The following SLC9B1 variants were observed in gnomAD, a reference collection of about 807,000 sequenced individuals.
SLC9B1 encodes sodium/hydrogen exchanger 9B1.
A neutral mutation model predicts 51.7 loss-of-function variants in SLC9B1; 32 were observed. The observed-to-expected ratio is 0.62, with a 90% CI of 0.47 to 0.83. SLC9B1 has a LOEUF of 0.83. Ranked by LOEUF, SLC9B1 falls within the 40% of genes least tolerant of loss-of-function variation. The probability of loss-of-function intolerance (pLI) is 0.00; values close to 1 mark genes in which losing one functional copy is unlikely to be tolerated. For missense variants in SLC9B1, 406 were observed against 613.2 expected, an observed-to-expected ratio of 0.66 and a Z score of 3.57; for synonymous variants, 145 against 212.7, an observed-to-expected ratio of 0.68 and a Z score of 2.77.
At chr4:102,950,439 G>A (rs1216108624) in intron 3 of SLC9B1, among the ~76,000 whole-genome samples, 1 of 152,176 alleles carries the variant, frequency 6.6e-6, no homozygotes, top group Non-Finnish European at 1.5e-5. Flanking sequence ...CAATAACATG[G>A]TAAATTTCCA....
chr4:102,929,715 C>A (rs1021664609), intron 7 of SLC9B1, among the ~76,000 whole-genome samples: 15 of 152,080 alleles, frequency 9.9e-5, no homozygotes, highest in African/African-American at 3.6e-4. Context: ...AGAGATGGAG[C>A]TTTGCTATGT....
intron 1 of SLC9B1, chr4:103,014,734 C>G (rs576178068): frequency 6.6e-6 from 1 of 152,318 alleles, no homozygotes; most frequent in South Asian, 2.1e-4. Flanking sequence ...CCAGCCAATA[C>G]TTTCTACCCA....
chr4:102,984,398 G>A (rs1023550339), intron 3 of SLC9B1, among the ~76,000 whole-genome samples: 1 of 152,194 alleles, frequency 6.6e-6, no homozygotes, highest in African/African-American at 2.4e-5. Flanking sequence ...TTACAGGTGT[G>A]AGCCAACATG....
chr4:102,907,249 A>G (rs17009213), intron 9 of SLC9B1, among the ~76,000 whole-genome samples: 4,219 of 152,252 alleles, frequency 0.028, 186 homozygotes, highest in African/African-American at 0.092. Flanking sequence ...TTTTGTCTGT[A>G]AAGTAACTGA....
At chr4:102,943,768 T>C (rs1297192696) in intron 6 of SLC9B1, among the ~76,000 whole-genome samples, 1 of 152,056 alleles carries the variant, frequency 6.6e-6, no homozygotes, top group Non-Finnish European at 1.5e-5. Context: ...GGGTGAGCGA[T>C]AAAAGACTAC....
chr4:102,918,936 T>C (rs13113923), intron 7 of SLC9B1, among the ~76,000 whole-genome samples: 87,519 of 152,102 alleles, frequency 0.58, 26,446 homozygotes, highest in African/African-American at 0.78. Flanking sequence ...CCCGACACTA[T>C]GTGGCAGCTG....
chr4:102,906,027 C>T (rs548008987), intron 10 of SLC9B1, among the ~76,000 whole-genome samples: 2 of 152,182 alleles, frequency 1.3e-5, no homozygotes, highest in African/African-American at 4.8e-5. Flanking sequence ...CTTCCGACTC[C>T]CGGGTTCACG....
intron 3 of SLC9B1, among the ~76,000 whole-genome samples, chr4:102,983,517 C>T (rs1179885212): frequency 6.6e-6 from 1 of 152,080 alleles, no homozygotes; most frequent in Non-Finnish European, 1.5e-5. Context: ...CACCTGGGCC[C>T]AGTACATTCT....
At chr4:102,918,091 C>CA (rs1735675308) in intron 7 of SLC9B1, among the ~76,000 whole-genome samples, 3 of 94,196 alleles carry the variant, frequency 3.2e-5, no homozygotes, top group Non-Finnish European at 4.1e-5. Context: ...AAAAAAAAGG[C>CA]TAGAGAAAAA....
chr4:102,900,713 C>A (rs114721290), downstream of SLC9B1, among the ~76,000 whole-genome samples: 2,585 of 152,148 alleles, frequency 0.017, 71 homozygotes, highest in African/African-American at 0.056. Flanking sequence ...AATTACTGGA[C>A]ATCATGGGAG....
intron 3 of SLC9B1, among the ~76,000 whole-genome samples, chr4:102,987,967 T>C (rs1739735828): frequency 6.6e-6 from 1 of 152,130 alleles, no homozygotes; most frequent in Non-Finnish European, 1.5e-5. Context: ...TAGGACAGAG[T>C]GATGACTTCT....
At chr4:102,951,234 C>T (rs1737537905) in intron 3 of SLC9B1, among the ~76,000 whole-genome samples, 1 of 152,004 alleles carries the variant, frequency 6.6e-6, no homozygotes, top group Admixed American at 6.6e-5. Flanking sequence ...ATAAAAGTGT[C>T]CCTGCATAGA....
intron 3 of SLC9B1, among the ~76,000 whole-genome samples, chr4:102,983,973 T>A (rs1739489261): frequency 6.6e-6 from 1 of 152,102 alleles, no homozygotes; most frequent in African/African-American, 2.4e-5. Flanking sequence ...GAAGCTTAAT[T>A]TATTCATTTT....
chr4:102,974,239 ATT>A (rs1560962113), intron 3 of SLC9B1, among the ~76,000 whole-genome samples: 3 of 120,960 alleles, frequency 2.5e-5, no homozygotes, highest in Admixed American at 8.6e-5. Context: ...TCTGTCTAAA[ATT>A]GAAAAAAAAA....
At chr4:102,958,257 C>A (rs1273599064) in intron 3 of SLC9B1, among the ~76,000 whole-genome samples, 1 of 151,978 alleles carries the variant, frequency 6.6e-6, no homozygotes, top group Non-Finnish European at 1.5e-5. Context: ...GAGATCTCGT[C>A]ATTTAAAAGT....
At chr4:102,915,680 G>A (rs867875634) in intron 7 of SLC9B1, among the ~76,000 whole-genome samples, 2 of 152,236 alleles carry the variant, frequency 1.3e-5, no homozygotes, top group Middle Eastern at 3.4e-3. Context: ...ACCACACCCA[G>A]CCTGTAATTC....
chr4:102,910,699 T>C (rs1308665921), intron 8 of SLC9B1, 111 bp from the exon 9 acceptor site: 2 of 472,438 alleles, frequency 4.2e-6, no homozygotes, highest in East Asian at 1.0e-4. Flanking sequence ...TTAAATGTTA[T>C]ATTAAATGTC....
chr4:102,922,676 GA>G (rs1735941626), intron 7 of SLC9B1, among the ~76,000 whole-genome samples: 1 of 151,850 alleles, frequency 6.6e-6, no homozygotes, highest in Non-Finnish European at 1.5e-5. Context: ...TAATAAAGAA[GA>G]AAAGAGAGAG....
At chr4:102,911,598 C>T (rs1735340249) in intron 7 of SLC9B1, 61 bp from the exon 8 acceptor site, 3 of 1,022,840 alleles carry the variant, frequency 2.9e-6, no homozygotes, top group Middle Eastern at 3.1e-4. Context: ...CACTACACAT[C>T]AGAAAAGCAA....
Sources: allele counts gnomAD v4.1 joint callset (sites outside exome capture counted in the v4.1 genomes callset), GRCh38; gene constraint gnomAD v4.1.1; transcripts MANE v1.5; gene names NCBI Gene and HGNC (gene_info 2026-07-23, HGNC 2026-07-21).